Variants in ITGA10 observed in about 807,000 individuals in gnomAD.
ITGA10 encodes the protein integrin subunit alpha 10, also known as integrin alpha-10.
ITGA10 carries 105 observed loss-of-function variants against 145.2 expected under a neutral mutation model. The ratio of observed to expected loss-of-function variants is 0.72; its 90% CI spans 0.62 to 0.85. The LOEUF (loss-of-function observed/expected upper bound fraction) is 0.85, where lower values mean the gene tolerates loss of function less well. Among genes scored for constraint, ITGA10 ranks in the 40% least tolerant of loss-of-function variants. ITGA10 has a pLI of 0.00. For missense variants in ITGA10, 1,317 were observed against 1,444.5 expected, an observed-to-expected ratio of 0.91 and a Z score of 1.43; for synonymous variants, 506 against 557.8, an observed-to-expected ratio of 0.91 and a Z score of 1.31.
rs1570851897 is a variant in ITGA10, at chr1:145,896,912, C to T, written c.2745-54G>A. 52 of 1,547,054 alleles carry T rather than the reference C, an allele frequency of 3.4e-5. 1 individual carries two copies. In the South Asian group the frequency reaches 5.5e-4, roughly 16 times the overall value. ...TCTCAACCCCTCCTCAGAAGACACC[C>T]TTCTCTGTTAATAGAGGAATCAATG... On this transcript the variant is annotated intron_variant, in intron 22 of 29. Coordinates refer to ENST00000369304, the MANE Select transcript of ITGA10 (RefSeq NM_003637.5).
At position 145,896,752 on chromosome 1, in the gene ITGA10, C is replaced by G; in HGVS notation, c.2834+17G>C. 1 of 1,599,124 alleles carries G rather than the reference C, an allele frequency of 6.3e-7. No homozygotes were observed. The highest frequency in any genetic ancestry group is 1.7e-5 in the Admixed American group (1 of 59,988). ...TCTGAGGTCAGAACTGGGTCCCACCCTAGAAGCTGGGCATACCTAGAGAAC... is the reference window on the plus strand; with the variant it reads ...TCTGAGGTCAGAACTGGGTCCCACCGTAGAAGCTGGGCATACCTAGAGAAC... On this transcript the variant is annotated intron_variant, in intron 23 of 29. Coordinates refer to ENST00000369304, the MANE Select transcript of ITGA10 (RefSeq NM_003637.5).
intron 5 of ITGA10, among the ~76,000 whole-genome samples, chr1:145,905,127 G>A (rs1301203646): frequency 6.6e-6 from 1 of 151,884 alleles, no homozygotes; most frequent in Non-Finnish European, 1.5e-5. Context: ...AAAACAAGAA[G>A]GAATTAAATG....
rs1570910528 is a variant in ITGA10 at position 145,906,318 on chromosome 1, A to C, written c.481+76T>G. On this transcript the variant is annotated intron_variant, in intron 5 of 29. Coordinates refer to ENST00000369304, the MANE Select transcript of ITGA10 (RefSeq NM_003637.5). ...CCATGCAGGCCCTTTGCCAGGCATC[A>C]TACCGCTTTGCCCCATCTTTTTCCC... The C allele has an allele frequency of 4.5e-6, 5 of 1,101,904 alleles. No individual in the cohort carries two copies. The East Asian group carries it at 1.2e-4, about 26-fold the overall frequency. The allele number at this position is 1,101,904 out of a possible 1,614,324, so 68.3% of individuals were successfully genotyped here.
intron 5 of ITGA10, 57 bp downstream of exon 5, chr1:145,906,337 T>C: frequency 7.3e-7 from 1 of 1,366,782 alleles, no homozygotes. Context: ...TGCCCCATCT[T>C]TTTCCCACCC....
At chr1:145,894,885 T>C (rs1477704338) in intron 27 of ITGA10, among the ~76,000 whole-genome samples, 1 of 152,204 alleles carries the variant, frequency 6.6e-6, no homozygotes, top group Non-Finnish European at 1.5e-5. Context: ...ATACAGGGCC[T>C]TTTACGTAAT....
intron 7 of ITGA10, 43 bp downstream of exon 7, chr1:145,904,009 T>C: frequency 1.9e-6 from 3 of 1,611,172 alleles, no homozygotes; most frequent in Non-Finnish European, 1.7e-6. Flanking sequence ...CTTCTAAGCC[T>C]TCATTGCTCT....
At chr1:145,895,861 C>T (rs977906663) in intron 25 of ITGA10, 122 bp downstream of exon 25, 40 of 1,029,738 alleles carry the variant, frequency 3.9e-5, no homozygotes, top group Middle Eastern at 2.4e-4. Flanking sequence ...AAAGAAAGCC[C>T]CCCAGAGAGA....
chr1:145,900,951 G>A lies in ITGA10; in HGVS notation c.1630C>T (p.Pro544Ser). Residue 544 changes from proline to serine, a missense_variant, in exon 14 of 30, where the codon CCC becomes TCC. Physicochemically the swap from Pro to Ser is moderately conservative, Grantham distance 74 (BLOSUM62 -1). Transcript: ENST00000369304. ...TLQGTLQPEP[P>S]QDARFGFAMG... The stretch of plus-strand genomic sequence containing the variant: ...GCAAAGCCAAACCGAGCATCCTGGG[G>A]GGGTTCTGGCTGAAGTGTTCCTTGG... The A allele has an allele frequency of 1.2e-6, 2 of 1,614,156 alleles. No homozygotes were observed. The highest frequency in any genetic ancestry group is 2.2e-5 in the South Asian group (2 of 91,076).
intron 6 of ITGA10, 87 bp from the exon 7 acceptor site, chr1:145,904,287 G>A (rs991570911): frequency 7.1e-6 from 9 of 1,272,830 alleles, no homozygotes; most frequent in African/African-American, 2.9e-5. Flanking sequence ...GAGGAGAGAT[G>A]AACACCTGGA....
chr1:145,897,358 A>T lies in ITGA10; in HGVS notation c.2575-19T>A, dbSNP rs1553745584. ...TCTCTCTCTGAGGGCAGGGGAATGG[A>T]GATAGAAGCTGGAGCTGGGGCTGCA... On this transcript the variant is annotated intron_variant, in intron 20 of 29. Transcript: ENST00000369304. 6.2e-7 allele frequency: 1 copy of T among 1,613,082 alleles called. No homozygotes were observed. The highest frequency in any genetic ancestry group is 8.5e-7 in the Non-Finnish European group (1 of 1,179,116).
At position 145,904,055 on chromosome 1, in the gene ITGA10, GCCA is replaced by G; in HGVS notation, c.752_754del (p.Val251del). 3.1e-6 allele frequency: 5 copies of G among 1,613,804 alleles called. No homozygotes were observed. Among genetic ancestry groups the G allele is most frequent in the Non-Finnish European group, 4.2e-6 (5 of 1,179,950 alleles). ...ACCTGTCTTCCCAATGCCTCACCAG[GCCA>G]CCATTATTGCTTGGGCAGTCTTTGT... On this transcript the variant is annotated inframe_deletion, in exon 7 of 30. Transcript: ENST00000369304.
In ITGA10 at chr1:145,893,206, C is replaced by A; in HGVS notation, c.3393G>T (p.Leu1131=). ...GGAGAGCAAGCAGGAGCAACCCTCC[C>A]AGGACACTGCCTATGAGGATCCACA... ...ISLWILIGSV[L]GGLLLLALLV... The change falls in exon 29 of 30, where the codon CTG becomes CTT. Residue 1131 remains leucine, a synonymous_variant. Coordinates refer to ENST00000369304, the MANE Select transcript of ITGA10 (RefSeq NM_003637.5). 1.2e-6 allele frequency: 2 copies of A among 1,614,146 alleles called. No homozygotes were observed. Among genetic ancestry groups the A allele is most frequent in the Non-Finnish European group, 1.7e-6 (2 of 1,180,002 alleles).
rs1217443310 is a variant in ITGA10, at chr1:145,899,355, G to T, written c.1923-14C>A. ...ATGGGCCGGGAGCTGGGAACAGTGT[G>T]GAAAAGAAATTCTAGCAGTAGGAGG... On this transcript the variant is annotated splice_polypyrimidine_tract_variant and intron_variant, in intron 15 of 29. Transcript: ENST00000369304. 10 of 1,610,276 alleles carry T rather than the reference G, an allele frequency of 6.2e-6. No homozygotes were observed. In the South Asian group the frequency reaches 1.1e-4, roughly 18 times the overall value.
At chr1:145,898,355 T>G in intron 17 of ITGA10, 132 bp from the exon 18 acceptor site, 9 of 369,058 alleles carry the variant, frequency 2.4e-5, no homozygotes, top group Non-Finnish European at 1.5e-5. Context: ...TTTAATTAAT[T>G]AGTTAATTTA....
In ITGA10 at chr1:145,902,798, G is replaced by C. The variant is rs1656541259; in HGVS notation, c.909+13C>G. On this transcript the variant is annotated intron_variant, in intron 8 of 29. Coordinates refer to ENST00000369304, the MANE Select transcript of ITGA10 (RefSeq NM_003637.5). Reference sequence around the variant, plus strand: ...CACTCCCCAACTCTTCCAGATCCAGGGTGAATTCTCACTGCAATCCCATAG... The same window carrying C: ...CACTCCCCAACTCTTCCAGATCCAGCGTGAATTCTCACTGCAATCCCATAG... The C allele has an allele frequency of 1.9e-6, 3 of 1,600,788 alleles. No individual in the cohort carries two copies. Among genetic ancestry groups the C allele is most frequent in the Non-Finnish European group, 2.6e-6 (3 of 1,173,692 alleles).
intron 9 of ITGA10, 32 bp from the exon 10 acceptor site, chr1:145,902,351 A>G: frequency 6.2e-7 from 1 of 1,611,936 alleles, no homozygotes. Context: ...AGACAATATC[A>G]GGGGAAGACA....
At position 145,901,704 on chromosome 1, in the gene ITGA10, A is replaced by G. The variant is rs782087808; in HGVS notation, c.1295-40T>C. ...AGTAACAGAGGTAAAGGAAAAGAAGATGGGGTCCAGAGTAGGGGGGTTCCC... is the reference window on the plus strand; with the variant it reads ...AGTAACAGAGGTAAAGGAAAAGAAGGTGGGGTCCAGAGTAGGGGGGTTCCC... On this transcript the variant is annotated intron_variant, in intron 11 of 29. Transcript: ENST00000369304. This position sits in a 1 kb window ranked among gnomAD's most constrained non-coding sequence, Gnocchi z 4.3. 2.0e-6 allele frequency: 3 copies of G among 1,537,630 alleles called. No individual in the cohort carries two copies. In the African/African-American group the frequency reaches 4.1e-5, roughly 21 times the overall value.
At chr1:145,900,711 G>A (rs1312376255) in intron 14 of ITGA10, 79 bp downstream of exon 14, 4 of 1,448,568 alleles carry the variant, frequency 2.8e-6, no homozygotes, top group African/African-American at 2.8e-5. Context: ...TCAAGCCAAG[G>A]AGACTATTGA....
At chr1:145,902,757 G>T in intron 8 of ITGA10, 54 bp downstream of exon 8, 1 of 1,569,916 alleles carries the variant, frequency 6.4e-7, no homozygotes, top group South Asian at 1.2e-5. Context: ...CAGTTCACAA[G>T]ACACTGCCCC....
Sources: allele counts gnomAD v4.1 joint callset (sites outside exome capture counted in the v4.1 genomes callset), GRCh38; gene constraint gnomAD v4.1.1; non-coding constraint Gnocchi (gnomAD v3.1); transcripts MANE v1.5; gene names NCBI Gene and HGNC (gene_info 2026-07-23, HGNC 2026-07-21).